ITGB3: variants seen among roughly 807,000 people sequenced by gnomAD.
The protein encoded by ITGB3 is integrin subunit beta 3.
Under a neutral mutation model 85.8 loss-of-function variants are expected in ITGB3, and 48 were observed. The ratio of observed to expected loss-of-function variants is 0.56; its 90% CI spans 0.44 to 0.71. The LOEUF is 0.71. Ranked by LOEUF, ITGB3 falls within the 30% of genes least tolerant of loss-of-function variation. ITGB3 has a pLI of 0.00. For missense variants in ITGB3, 861 were observed against 1,019.1 expected (o/e 0.84, Z 2.11); for synonymous variants, 363 against 395.6 (o/e 0.92, Z 0.98).
chr17:47,301,266 T>C (rs753810535), intron 12 of ITGB3, among the ~76,000 whole-genome samples: 8 of 152,202 alleles, frequency 5.3e-5, no homozygotes, highest in Admixed American at 6.5e-5. Context: ...CAGCGAGGCA[T>C]TGAGATGGTA....
At position 47,312,508 on chromosome 17, in the gene ITGB3, C is replaced by T. The variant is rs2065219424; in HGVS notation, c.*2304C>T. Among the ~76,000 whole-genome samples, 1 of 152,184 alleles carries T rather than the reference C, an allele frequency of 6.6e-6. No individual in the cohort carries two copies. The highest frequency in any genetic ancestry group is 6.5e-5 in the Admixed American group (1 of 15,278). ...TAATTATAACCTTCAGCTACTAAGACAGGTGTGGTGGCTCACGCCTGTGAT... is the reference window on the plus strand; with the variant it reads ...TAATTATAACCTTCAGCTACTAAGATAGGTGTGGTGGCTCACGCCTGTGAT... On this transcript the variant is annotated 3_prime_UTR_variant, in exon 15 of 15. Transcript: ENST00000559488.
chr17:47,261,184 A>T (rs996311492), intron 1 of ITGB3, among the ~76,000 whole-genome samples: 7 of 152,150 alleles, frequency 4.6e-5, no homozygotes, highest in African/African-American at 1.7e-4. Context: ...AGAGGTTTTG[A>T]TGCTGAAGGT....
intron 2 of ITGB3, among the ~76,000 whole-genome samples, chr17:47,275,650 G>A (rs182404978): frequency 2.0e-5 from 3 of 152,308 alleles, no homozygotes; most frequent in African/African-American, 2.4e-5. Flanking sequence ...CTCCCTGGCC[G>A]CCTGGGGGGA....
Position 47,275,565 on chromosome 17 carries a change from T to G in ITGB3, c.165+1061T>G, listed in dbSNP as rs150872706. Among the ~76,000 whole-genome samples, 401 of 152,366 alleles carry G rather than the reference T, an allele frequency of 2.6e-3. 4 individuals are homozygous for G. The highest frequency in any genetic ancestry group is 8.5e-3 in the African/African-American group (355 of 41,588). On this transcript the variant is annotated intron_variant, in intron 2 of 14. Coordinates refer to ENST00000559488, the MANE Select transcript of ITGB3 (RefSeq NM_000212.3). ...CAAGTCCCAGCCCTCTCCAGTTTTA[T>G]GACCGCTCCAATCCAGCCCTCAGTC...
At chr17:47,290,910 C>G (rs1224882871) in intron 8 of ITGB3, 44 bp from the exon 9 acceptor site, 2 of 1,612,690 alleles carry the variant, frequency 1.2e-6, no homozygotes, top group African/African-American at 2.7e-5. Flanking sequence ...TTCCCGTTTC[C>G]TTTCAGTTCA....
At chr17:47,298,387 G>A (rs910004425) in intron 10 of ITGB3, among the ~76,000 whole-genome samples, 5 of 152,216 alleles carry the variant, frequency 3.3e-5, no homozygotes, top group Middle Eastern at 6.8e-3. Context: ...GGGAGGTAGG[G>A]GATATTTGTT....
intron 1 of ITGB3, among the ~76,000 whole-genome samples, chr17:47,269,052 A>G (rs1727566373): frequency 6.6e-6 from 1 of 152,182 alleles, no homozygotes; most frequent in Non-Finnish European, 1.5e-5. Flanking sequence ...CTCTGAAACC[A>G]TGGCCTGAGC....
intron 1 of ITGB3, among the ~76,000 whole-genome samples, chr17:47,270,274 G>C (rs984370): frequency 1 from 152,192 of 152,316 alleles, 76,034 homozygotes; most frequent in Non-Finnish European, 1. Context: ...TTGTGCTTCT[G>C]TCTCTTGTGA....
At chr17:47,263,081 A>T (rs1319121007) in intron 1 of ITGB3, among the ~76,000 whole-genome samples, 1 of 152,168 alleles carries the variant, frequency 6.6e-6, no homozygotes, top group Non-Finnish European at 1.5e-5. Flanking sequence ...AGATGAAGGG[A>T]TGTACTTGAG....
chr17:47,261,318 A>G (rs1042665770), intron 1 of ITGB3, among the ~76,000 whole-genome samples: 2 of 152,164 alleles, frequency 1.3e-5, no homozygotes, highest in African/African-American at 4.8e-5. Context: ...TTATAAAAGT[A>G]ATTAAGCTTA....
chr17:47,307,670 A>T (rs777347553), intron 14 of ITGB3, 33 bp downstream of exon 14: 1 of 1,606,622 alleles, frequency 6.2e-7, no homozygotes, highest in South Asian at 1.1e-5. Flanking sequence ...TTCTAAAGTC[A>T]TTGGTCTGAG....
intron 7 of ITGB3, 133 bp downstream of exon 7, chr17:47,289,909 G>A (rs2065118710): frequency 1.3e-6 from 1 of 752,158 alleles, no homozygotes; most frequent in Admixed American, 2.0e-5. Flanking sequence ...AGGAGCTAAA[G>A]ATTGCACTCT....
rs1216762390 is a variant in ITGB3 at position 47,284,684 on chromosome 17, C to G, written c.603C>G (p.Asn201Lys). The change falls in exon 4 of 15, where the codon AAC becomes AAG. Residue 201 changes from asparagine (N) to lysine (K), a missense_variant. By Grantham distance (94) the Asn-to-Lys change is moderately conservative. Coordinates refer to ENST00000559488, the MANE Select transcript of ITGB3 (RefSeq NM_000212.3). ...MYISPPEALE[N>K]PCYDMKTTCL... is the part of the protein sequence containing the mutation. ...TCTCCCCACCAGAGGCCCTCGAAAA[C>G]CCCTGCTATGAGTAAGTCCCTCCTC... The G allele has an allele frequency of 1.2e-6, 2 of 1,614,168 alleles. No individual in the cohort carries two copies. Among genetic ancestry groups the G allele is most frequent in the Non-Finnish European group, 1.7e-6 (2 of 1,180,022 alleles).
chr17:47,291,222 A>G lies in ITGB3; in HGVS notation c.1260+134A>G. On this transcript the variant is annotated intron_variant, in intron 9 of 14. Transcript: ENST00000559488. ...ATGGGCAAGAAAAATACGTTTCCTG[A>G]AAGTCATTCTAAGTTAGATGTAATG... 9.8e-6 allele frequency: 10 copies of G among 1,017,308 alleles called. No individual in the cohort carries two copies. In the South Asian group the frequency reaches 1.3e-4, roughly 14 times the overall value. 63.0% of individuals were successfully genotyped at this position (1,017,308 alleles called of 1,614,324 possible).
intron 10 of ITGB3, among the ~76,000 whole-genome samples, chr17:47,293,128 T>G (rs553904879): frequency 1.5e-3 from 231 of 152,316 alleles, no homozygotes; most frequent in Admixed American, 2.9e-3. Context: ...GCTGCTATAT[T>G]GGACAGATCT....
chr17:47,289,660 C>T (rs1467284345), intron 6 of ITGB3, 21 bp from the exon 7 acceptor site: 11 of 1,556,368 alleles, frequency 7.1e-6, no homozygotes, highest in Non-Finnish European at 9.8e-6. Flanking sequence ...TCATTAACCT[C>T]TACATCCTTC....
intron 5 of ITGB3, 66 bp downstream of exon 5, chr17:47,286,488 T>C: frequency 1.9e-6 from 3 of 1,587,034 alleles, no homozygotes; most frequent in Non-Finnish European, 2.6e-6. Context: ...AGGAAGTGAC[T>C]GAACTCTGGG....
Position 47,299,402 on chromosome 17 carries a change from CAGCAATGG to C in ITGB3, c.1786_1793del (p.Ser596AlafsTer10). 1 of 1,614,240 alleles carries C rather than the reference CAGCAATGG, an allele frequency of 6.2e-7. No homozygotes were observed. Among genetic ancestry groups the C allele is most frequent in the Non-Finnish European group, 8.5e-7 (1 of 1,180,044 alleles). ...CCACGCGTACTGACACCTGCATGTC[CAGCAATGG>C]GCTGCTGTGCAGCGGCCGCGGCAAG... On this transcript the variant is annotated frameshift_variant, in exon 11 of 15. Transcript: ENST00000559488. LOFTEE classifies it high-confidence loss of function. This position sits in a 1 kb window ranked among gnomAD's most constrained non-coding sequence, Gnocchi z 5.1.
chr17:47,271,821 C>CT (rs553736039), intron 1 of ITGB3, among the ~76,000 whole-genome samples: 9 of 152,140 alleles, frequency 5.9e-5, no homozygotes, highest in Non-Finnish European at 1.0e-4. Context: ...TATCGGCTCA[C>CT]TGTAACCTCT....
Sources: gnomAD v4.1 joint callset for allele counts (sites outside exome capture counted in the v4.1 genomes callset) on GRCh38, gnomAD v4.1.1 for gene constraint, Gnocchi (gnomAD v3.1) non-coding constraint, MANE v1.5 for transcripts, NCBI Gene and HGNC (gene_info 2026-07-23, HGNC 2026-07-21) for gene names.